The following DNER variants were observed in gnomAD, a reference collection of about 807,000 sequenced individuals.
The protein encoded by DNER is delta and Notch-like epidermal growth factor-related receptor.
In DNER, 33 loss-of-function variants were observed where a neutral mutation model predicts 78.2. The ratio of observed to expected loss-of-function variants is 0.42; its 90% CI spans 0.32 to 0.56. The LOEUF is 0.56. Ranked by LOEUF, DNER falls within the 20% of genes least tolerant of loss-of-function variation. The probability of loss-of-function intolerance (pLI) is 0.11; values close to 1 mark genes in which losing one functional copy is unlikely to be tolerated. For missense variants in DNER, 918 were observed against 975.3 expected, an observed-to-expected ratio of 0.94 and a Z score of 0.78; for synonymous variants, 417 against 384.8, an observed-to-expected ratio of 1.08 and a Z score of -0.98.
intron 4 of DNER, among the ~76,000 whole-genome samples, chr2:229,576,972 T>C (rs903374280): frequency 1.3e-5 from 2 of 152,116 alleles, no homozygotes; most frequent in African/African-American, 4.8e-5. Flanking sequence ...AATGGGACTA[T>C]CATGAAATCA....
intron 1 of DNER, among the ~76,000 whole-genome samples, chr2:229,592,308 C>T (rs1472679131): frequency 2.0e-5 from 3 of 152,180 alleles, no homozygotes; most frequent in Non-Finnish European, 2.9e-5. Context: ...TGCAAGGTCT[C>T]CTCATGAGAA....
intron 4 of DNER, among the ~76,000 whole-genome samples, chr2:229,551,249 A>G (rs1487480752): frequency 6.6e-6 from 1 of 152,252 alleles, no homozygotes; most frequent in Non-Finnish European, 1.5e-5. Context: ...GAAAGATATA[A>G]AAATGATATC....
intron 1 of DNER, among the ~76,000 whole-genome samples, chr2:229,594,660 T>C (rs973970889): frequency 1.3e-5 from 2 of 151,926 alleles, no homozygotes; most frequent in Non-Finnish European, 1.5e-5. Flanking sequence ...ACAGCTACTA[T>C]ACTAGGAGAC....
At chr2:229,669,933 G>C (rs575344429) in intron 1 of DNER, among the ~76,000 whole-genome samples, 1 of 152,306 alleles carries the variant, frequency 6.6e-6, no homozygotes, top group African/African-American at 2.4e-5. Flanking sequence ...GTCCATTCCA[G>C]AGTGGTTATA....
At chr2:229,562,847 C>T (rs1696984540) in intron 4 of DNER, among the ~76,000 whole-genome samples, 1 of 151,966 alleles carries the variant, frequency 6.6e-6, no homozygotes, top group Non-Finnish European at 1.5e-5. Flanking sequence ...TATGTAAGGA[C>T]ACTATAAATC....
chr2:229,372,314 G>A (rs1449502096), intron 11 of DNER, among the ~76,000 whole-genome samples: 2 of 152,364 alleles, frequency 1.3e-5, no homozygotes, highest in Non-Finnish European at 2.9e-5. Flanking sequence ...AGGAGGACAG[G>A]AGATATTTTA....
intron 7 of DNER, among the ~76,000 whole-genome samples, chr2:229,461,919 G>A (rs1694711661): frequency 6.6e-6 from 1 of 152,036 alleles, no homozygotes; most frequent in Admixed American, 6.5e-5. Context: ...TGGAAACAAT[G>A]GCAGCAGCCA....
In DNER at chr2:229,714,501, G is replaced by T; in HGVS notation, c.-78C>A. 5.6e-6 allele frequency: 6 copies of T among 1,072,830 alleles called. No individual in the cohort carries two copies. The highest frequency in any genetic ancestry group is 6.8e-6 in the Non-Finnish European group (6 of 888,616). The allele number at this position is 1,072,830 out of a possible 1,614,324, so 66.5% of individuals were successfully genotyped here. Reference sequence around the variant, plus strand: ...CGGTGGCAGTGGCGACGAGAGCTGCGAGAGCGACGGTGGCGGCTAGGGCTG... The same window carrying T: ...CGGTGGCAGTGGCGACGAGAGCTGCTAGAGCGACGGTGGCGGCTAGGGCTG... On this transcript the variant is annotated 5_prime_UTR_variant, in exon 1 of 13. Coordinates refer to ENST00000341772, the MANE Select transcript of DNER (RefSeq NM_139072.4).
At chr2:229,435,663 G>T (rs964594523) in intron 8 of DNER, among the ~76,000 whole-genome samples, 16 of 152,116 alleles carry the variant, frequency 1.1e-4, no homozygotes, top group Non-Finnish European at 1.8e-4. Flanking sequence ...CTTTAATTGG[G>T]CTTATCCAAT....
intron 5 of DNER, among the ~76,000 whole-genome samples, chr2:229,514,077 T>G (rs927837370): frequency 6.6e-6 from 1 of 152,136 alleles, no homozygotes; most frequent in Non-Finnish European, 1.5e-5. Flanking sequence ...CTCAATCAAG[T>G]TTCATAATTC....
chr2:229,394,994 C>T (rs1385880635), intron 10 of DNER, among the ~76,000 whole-genome samples: 1 of 152,120 alleles, frequency 6.6e-6, no homozygotes, highest in Non-Finnish European at 1.5e-5. Flanking sequence ...GTCTGGGATC[C>T]CTTGGAGACA....
At chr2:229,687,921 G>A (rs151159932) in intron 1 of DNER, among the ~76,000 whole-genome samples, 53 of 152,188 alleles carry the variant, frequency 3.5e-4, no homozygotes, top group Non-Finnish European at 4.0e-4. Context: ...CTTTCTTCCT[G>A]TCCCCTTGAT....
intron 1 of DNER, among the ~76,000 whole-genome samples, chr2:229,608,411 G>T (rs1215771543): frequency 6.6e-6 from 1 of 152,188 alleles, no homozygotes; most frequent in Non-Finnish European, 1.5e-5. Flanking sequence ...CTGAAAGTTT[G>T]CTCATTCCTG....
At chr2:229,516,860 C>T (rs1695985839) in intron 5 of DNER, among the ~76,000 whole-genome samples, 1 of 150,598 alleles carries the variant, frequency 6.6e-6, no homozygotes, top group African/African-American at 2.4e-5. Context: ...GTAATCCCAG[C>T]ATTTTGGGAG....
intron 11 of DNER, among the ~76,000 whole-genome samples, chr2:229,381,497 C>G (rs1177900905): frequency 1.3e-5 from 2 of 152,148 alleles, no homozygotes; most frequent in Non-Finnish European, 2.9e-5. Flanking sequence ...GATCCCACCC[C>G]CACGGAGCCC....
rs530604261 is a variant in DNER, at chr2:229,399,610, AT to A, written c.1723+7621del. 8.9e-4 allele frequency among the ~76,000 whole-genome samples: 136 copies of A among 152,214 alleles called. 1 individual carries two copies. The highest frequency in any genetic ancestry group is 3.1e-3 in the African/African-American group (130 of 41,578). On this transcript the variant is annotated intron_variant, in intron 10 of 12. Coordinates refer to ENST00000341772, the MANE Select transcript of DNER (RefSeq NM_139072.4). ...TTGGAAAAAAAATAAGGTGGTAGGA[AT>A]TATTCTGCCCAATTTCAATAGTTAT...
At chr2:229,564,530 C>CCATCAT (rs202150868) in intron 4 of DNER, among the ~76,000 whole-genome samples, 2 of 142,498 alleles carry the variant, frequency 1.4e-5, no homozygotes, top group African/African-American at 2.7e-5. Flanking sequence ...TACCCCATCA[C>CCATCAT]CATCATCATC....
intron 10 of DNER, among the ~76,000 whole-genome samples, chr2:229,393,047 C>T (rs866436874): frequency 3.3e-5 from 5 of 151,984 alleles, no homozygotes; most frequent in Admixed American, 6.6e-5. Flanking sequence ...ATATAAAAAA[C>T]AATGAACAGA....
chr2:229,369,726 G>A (rs1046256222), intron 11 of DNER, among the ~76,000 whole-genome samples: 12 of 152,292 alleles, frequency 7.9e-5, no homozygotes, highest in East Asian at 1.9e-4. Flanking sequence ...TGTGATTGGC[G>A]TAGGTCAAGA....
Sources: gnomAD v4.1 joint callset for allele counts (sites outside exome capture counted in the v4.1 genomes callset) on GRCh38, gnomAD v4.1.1 for gene constraint, MANE v1.5 for transcripts, NCBI Gene and HGNC (gene_info 2026-07-23, HGNC 2026-07-21) for gene names.